The following USP8 variants were observed in gnomAD, a reference collection of about 807,000 sequenced individuals.
USP8 encodes the protein ubiquitin specific peptidase 8.
In USP8, 27 loss-of-function variants were observed where a neutral mutation model predicts 130.0. The observed-to-expected ratio is 0.21, with a 90% CI of 0.15 to 0.29. The LOEUF (loss-of-function observed/expected upper bound fraction) is 0.29. Ranked by LOEUF, USP8 falls within the 10% of genes least tolerant of loss-of-function variation. USP8 has a pLI of 1.00. For missense variants in USP8, 1,029 were observed against 1,312.2 expected, an observed-to-expected ratio of 0.78 and a Z score of 3.33; for synonymous variants, 392 against 444.1, an observed-to-expected ratio of 0.88 and a Z score of 1.48.
At chr15:50,496,563 G>T (rs1419442431) in intron 17 of USP8, among the ~76,000 whole-genome samples, 1 of 149,220 alleles carries the variant, frequency 6.7e-6, no homozygotes, top group African/African-American at 2.5e-5. Flanking sequence ...AGATTAGAAA[G>T]AATTAGAAAT....
intron 16 of USP8, among the ~76,000 whole-genome samples, chr15:50,495,490 G>T (rs1362165096): frequency 6.7e-6 from 1 of 149,188 alleles, no homozygotes; most frequent in East Asian, 2.0e-4. Context: ...GATTGGAGGG[G>T]GGGGTCTCAC....
rs2051151970 is a variant in USP8 at position 50,465,303 on chromosome 15, T to A, written c.686+112T>A. The A allele has an allele frequency of 2.4e-5, 28 of 1,150,364 alleles. 1 individual carries two copies. Among genetic ancestry groups the A allele is most frequent in the Non-Finnish European group, 3.1e-5 (27 of 873,322 alleles). 71.3% of individuals were successfully genotyped at this position (1,150,364 alleles called of 1,614,324 possible). On this transcript the variant is annotated intron_variant, in intron 7 of 19. Transcript: ENST00000307179. ...TAAATGTGATAAAGTAGTCTTTTCC[T>A]GGTAACTTTTTAAATCTTTGCCTCT...
chr15:50,454,821 C>G (rs560153614), intron 4 of USP8, among the ~76,000 whole-genome samples: 3 of 152,040 alleles, frequency 2.0e-5, no homozygotes, highest in Admixed American at 6.6e-5. Flanking sequence ...CACTCTGTTG[C>G]CCAGGCCGAA....
intron 12 of USP8, among the ~76,000 whole-genome samples, chr15:50,484,755 G>A (rs2051893599): frequency 1.3e-5 from 2 of 152,168 alleles, no homozygotes; most frequent in Admixed American, 1.3e-4. Flanking sequence ...TCCATCAGCA[G>A]GTGAATGCAT....
chr15:50,448,394 T>C (rs888221202), intron 3 of USP8, among the ~76,000 whole-genome samples: 3 of 152,174 alleles, frequency 2.0e-5, no homozygotes, highest in Non-Finnish European at 4.4e-5. Context: ...TATCTAATGA[T>C]TGACCTCTTG....
Position 50,468,391 on chromosome 15 carries a change from C to T in USP8, c.686+3200C>T, listed in dbSNP as rs185998619. ...CCAAGTGGCTGGGATTATAGGTGTG[C>T]GCCACCACACCCGGCTAATTTTTGT... is the stretch of plus-strand genomic sequence containing the variant. On this transcript the variant is annotated intron_variant, in intron 7 of 19. Transcript: ENST00000307179. Among the ~76,000 whole-genome samples the T allele has an allele frequency of 3.9e-3, 576 of 149,560 alleles. 3 individuals are homozygous for T. The highest frequency in any genetic ancestry group is 0.014 in the African/African-American group (560 of 40,494).
At chr15:50,476,537 ACT>A (rs1037469372) in intron 8 of USP8, among the ~76,000 whole-genome samples, 21 of 151,756 alleles carry the variant, frequency 1.4e-4, no homozygotes, top group Admixed American at 5.9e-4. Context: ...TTTATTGAAA[ACT>A]CTCTATAAGA....
intron 4 of USP8, among the ~76,000 whole-genome samples, chr15:50,457,882 G>GA (rs144529322): frequency 0.17 from 20,628 of 123,944 alleles, 1,850 homozygotes; most frequent in Middle Eastern, 0.32. Context: ...GAAAAGAAAA[G>GA]AAAAAAAAAA....
At chr15:50,485,777 A>G (rs1017254810) in intron 12 of USP8, among the ~76,000 whole-genome samples, 1 of 151,240 alleles carries the variant, frequency 6.6e-6, no homozygotes, top group African/African-American at 2.4e-5. Flanking sequence ...TGGTTCCACT[A>G]CCTCCCTCTC....
At chr15:50,484,446 T>G (rs1299890468) in intron 12 of USP8, 85 bp downstream of exon 12, 1 of 1,088,420 alleles carries the variant, frequency 9.2e-7, no homozygotes, top group African/African-American at 1.6e-5. Context: ...CACTGCTATC[T>G]TTTATCATGA....
intron 10 of USP8, among the ~76,000 whole-genome samples, chr15:50,480,354 CAT>C (rs939260098): frequency 1.3e-5 from 2 of 152,172 alleles, no homozygotes; most frequent in African/African-American, 4.8e-5. Flanking sequence ...CCCTCAGTAA[CAT>C]AGTTACTAAC....
rs560842256 is a variant in USP8 at position 50,449,315 on chromosome 15, G to A, written c.250-85G>A. ...ATAAAACAAACTTCCCTTTATATAAGCACCATGATTTTAATGATTTTAACA... is the reference window on the plus strand; with the variant it reads ...ATAAAACAAACTTCCCTTTATATAAACACCATGATTTTAATGATTTTAACA... On this transcript the variant is annotated intron_variant, in intron 3 of 19. Transcript: ENST00000307179. 459 of 784,784 alleles carry A rather than the reference G, an allele frequency of 5.8e-4. 1 individual carries two copies. In the African/African-American group the frequency reaches 7.3e-3, roughly 13 times the overall value. 48.6% of individuals were successfully genotyped at this position (784,784 alleles called of 1,614,324 possible).
rs565476643 is a variant in USP8, at chr15:50,469,933, G to T, written c.687-1700G>T. Among the ~76,000 whole-genome samples the T allele has an allele frequency of 5.8e-4, 87 of 150,970 alleles. 2 individuals carry two copies. The South Asian group carries it at 0.013, about 22-fold the overall frequency. On this transcript the variant is annotated intron_variant, in intron 7 of 19. Coordinates refer to ENST00000307179, the MANE Select transcript of USP8 (RefSeq NM_005154.5). ...TGCAACCCCCACCTCCCAGGTTCAA[G>T]CTATTCTCCTGCCTCAGCCTCCTGA...
chr15:50,509,112 GACA>G lies in USP8; in HGVS notation c.*10025_*10027del, dbSNP rs2052703498. The G allele has an allele frequency of 8.8e-6, 1 of 113,048 alleles. No individual in the cohort carries two copies. The highest frequency in any genetic ancestry group is 3.4e-5 in the African/African-American group (1 of 29,378). The allele number at this position is 113,048 out of a possible 1,614,324, so 7.0% of individuals were successfully genotyped here. A position where few individuals can be genotyped will look rare whatever the true frequency, so the allele number is the denominator to read the frequency against. On this transcript the variant is annotated 3_prime_UTR_variant, in exon 20 of 20. Transcript: ENST00000307179. ...CGCGCCACTGTGCTCCAGCCTGGGC[GACA>G]GAGCGAGACTCCGTCACAAAAAAAA...
intron 1 of USP8, among the ~76,000 whole-genome samples, chr15:50,430,080 A>G (rs2049882265): frequency 6.6e-6 from 1 of 152,228 alleles, no homozygotes; most frequent in African/African-American, 2.4e-5. Context: ...TATGTACTTA[A>G]CTTTCATTTT....
At chr15:50,439,828 A>ATTT (rs1555526899) in intron 2 of USP8, among the ~76,000 whole-genome samples, 2 of 102,464 alleles carry the variant, frequency 2.0e-5, no homozygotes, top group South Asian at 5.6e-4. Context: ...AATAATAATA[A>ATTT]TTTTTTTTTT....
intron 1 of USP8, among the ~76,000 whole-genome samples, chr15:50,433,393 A>G (rs1394981129): frequency 6.6e-6 from 1 of 152,174 alleles, no homozygotes; most frequent in Non-Finnish European, 1.5e-5. Context: ...GTGGGTGACC[A>G]ACAAAGACAA....
rs889171523 is a variant in USP8 at position 50,455,103 on chromosome 15, T to C, written c.336-3897T>C. Among the ~76,000 whole-genome samples the C allele has an allele frequency of 2.0e-5, 3 of 151,218 alleles. No individual in the cohort carries two copies. The South Asian group carries it at 6.5e-4, about 33-fold the overall frequency. ...ATTTCTTCCTTTTTTTGAGACAGAG[T>C]CTCACTCTGTTGTCGAGGTTGGAGT... On this transcript the variant is annotated intron_variant, in intron 4 of 19. Coordinates refer to ENST00000307179, the MANE Select transcript of USP8 (RefSeq NM_005154.5).
intron 4 of USP8, among the ~76,000 whole-genome samples, chr15:50,450,214 T>C (rs1164079940): frequency 1.3e-5 from 2 of 152,050 alleles, no homozygotes; most frequent in African/African-American, 4.8e-5. Context: ...TTATAATATT[T>C]GTAAGTTTCT....
Sources: allele counts gnomAD v4.1 joint callset (sites outside exome capture counted in the v4.1 genomes callset), GRCh38; gene constraint gnomAD v4.1.1; transcripts MANE v1.5; gene names NCBI Gene and HGNC (gene_info 2026-07-23, HGNC 2026-07-21).